PDSS2: variants seen among roughly 807,000 people sequenced by gnomAD.
The protein encoded by PDSS2 is all trans-polyprenyl-diphosphate synthase PDSS2.
PDSS2 carries 31 observed loss-of-function variants against 44.5 expected under a neutral mutation model. The observed-to-expected ratio is 0.70, with a 90% CI of 0.52 to 0.94. The LOEUF (loss-of-function observed/expected upper bound fraction) is 0.94, where lower values mean the gene tolerates loss of function less well. Ranked by LOEUF, PDSS2 falls within the 40% of genes least tolerant of loss-of-function variation. The pLI is 0.00. For missense variants in PDSS2, 452 were observed against 482.2 expected, an observed-to-expected ratio of 0.94 and a Z score of 0.59; for synonymous variants, 157 against 180.3, an observed-to-expected ratio of 0.87 and a Z score of 1.03.
intron 1 of PDSS2, among the ~76,000 whole-genome samples, chr6:107,358,649 T>C (rs1778663774): frequency 6.6e-6 from 1 of 152,150 alleles, no homozygotes. Flanking sequence ...AAGCCATGGA[T>C]AGAATCATAA....
intron 2 of PDSS2, among the ~76,000 whole-genome samples, chr6:107,294,229 A>G (rs546245441): frequency 2.0e-5 from 3 of 152,296 alleles, no homozygotes; most frequent in Non-Finnish European, 2.9e-5. Context: ...TCTGTTTCCA[A>G]TGAAAAAGAG....
intron 2 of PDSS2, among the ~76,000 whole-genome samples, chr6:107,296,555 G>A (rs1193822774): frequency 2.6e-5 from 4 of 151,954 alleles, no homozygotes; most frequent in African/African-American, 7.3e-5. Flanking sequence ...GTGAAACCTC[G>A]TCTCTACTAA....
rs1582794305 is a variant in PDSS2, at chr6:107,212,801, T to C, written c.703-519A>G. Among the ~76,000 whole-genome samples the C allele has an allele frequency of 2.0e-5, 3 of 146,862 alleles. No individual in the cohort carries two copies. In the Admixed American group the frequency reaches 2.0e-4, roughly 10 times the overall value. Reference sequence around the variant, plus strand: ...CAGGAGGATTGCTTGAGGCCAGGAGTTCGAGACCAGCCTGGGCAACATAGC... The same window carrying C: ...CAGGAGGATTGCTTGAGGCCAGGAGCTCGAGACCAGCCTGGGCAACATAGC... On this transcript the variant is annotated intron_variant, in intron 4 of 7. Coordinates refer to ENST00000369037, the MANE Select transcript of PDSS2 (RefSeq NM_020381.4).
intron 1 of PDSS2, among the ~76,000 whole-genome samples, chr6:107,452,356 T>C (rs1781897557): frequency 6.6e-6 from 1 of 150,988 alleles, no homozygotes; most frequent in Admixed American, 6.6e-5. Flanking sequence ...CCTAAGCCTC[T>C]GGTGTAGCTT....
At chr6:107,254,132 C>G (rs1774924798) in intron 3 of PDSS2, among the ~76,000 whole-genome samples, 1 of 149,192 alleles carries the variant, frequency 6.7e-6, no homozygotes, top group Non-Finnish European at 1.5e-5. Context: ...CTCCCGGGTT[C>G]AAGTGATTCT....
chr6:107,286,450 C>A (rs891137522), intron 2 of PDSS2, among the ~76,000 whole-genome samples: 1 of 151,828 alleles, frequency 6.6e-6, no homozygotes, highest in African/African-American at 2.4e-5. Flanking sequence ...GCAGAGGTTG[C>A]AGTGAGCTGA....
intron 1 of PDSS2, among the ~76,000 whole-genome samples, chr6:107,450,454 C>A (rs1022716846): frequency 6.6e-6 from 1 of 152,088 alleles, no homozygotes; most frequent in Non-Finnish European, 1.5e-5. Context: ...AGAAATAACA[C>A]ACAAAATCAT....
intron 2 of PDSS2, among the ~76,000 whole-genome samples, chr6:107,293,978 AG>A (rs2115032919): frequency 6.6e-6 from 1 of 152,234 alleles, no homozygotes; most frequent in African/African-American, 2.4e-5. Flanking sequence ...CAAGAGGCTG[AG>A]GTTTGGGTTT....
chr6:107,333,816 G>A (rs1043461177), intron 2 of PDSS2, among the ~76,000 whole-genome samples: 1 of 152,148 alleles, frequency 6.6e-6, no homozygotes, highest in East Asian at 1.9e-4. Flanking sequence ...AATTACAGGT[G>A]TGAGCCACTG....
intron 4 of PDSS2, among the ~76,000 whole-genome samples, chr6:107,214,203 A>C (rs367569486): frequency 5.8e-4 from 88 of 150,700 alleles, no homozygotes; most frequent in African/African-American, 1.9e-3. Context: ...TCCCGGGTTC[A>C]CTCCATTCTC....
intron 1 of PDSS2, among the ~76,000 whole-genome samples, chr6:107,361,083 C>T (rs1335577132): frequency 6.6e-6 from 1 of 151,976 alleles, no homozygotes; most frequent in Non-Finnish European, 1.5e-5. Context: ...TACCCAAATC[C>T]TATTTGGAAA....
At chr6:107,391,863 T>TG (rs1023827398) in intron 1 of PDSS2, among the ~76,000 whole-genome samples, 28 of 151,120 alleles carry the variant, frequency 1.9e-4, no homozygotes, top group South Asian at 6.3e-4. Flanking sequence ...CATTTTTTTT[T>TG]AAGACTCAAG....
intron 3 of PDSS2, among the ~76,000 whole-genome samples, chr6:107,254,988 C>T (rs574710181): frequency 2.6e-5 from 4 of 151,682 alleles, no homozygotes; most frequent in South Asian, 2.1e-4. Flanking sequence ...CTCAGCCTCC[C>T]GAGTAGCTGG....
intron 2 of PDSS2, among the ~76,000 whole-genome samples, chr6:107,326,337 T>C (rs1398628613): frequency 6.6e-6 from 1 of 151,796 alleles, no homozygotes; most frequent in Non-Finnish European, 1.5e-5. Context: ...CTCAAACTCC[T>C]GACCTCAAGT....
chr6:107,187,259 C>T (rs1403807946), intron 7 of PDSS2, among the ~76,000 whole-genome samples: 1 of 152,106 alleles, frequency 6.6e-6, no homozygotes, highest in Non-Finnish European at 1.5e-5. Flanking sequence ...CAGAATAGCA[C>T]TACATATTCA....
intron 4 of PDSS2, among the ~76,000 whole-genome samples, chr6:107,213,381 C>T (rs371039611): frequency 2.0e-5 from 3 of 151,348 alleles, no homozygotes; most frequent in South Asian, 4.2e-4. Flanking sequence ...AACTCCTGGT[C>T]TCAGGTAATC....
chr6:107,191,371 G>A (rs930256507), intron 7 of PDSS2, among the ~76,000 whole-genome samples: 3 of 152,152 alleles, frequency 2.0e-5, no homozygotes, highest in African/African-American at 7.2e-5. Context: ...ACCAAGAGGA[G>A]GAGTTGGAGT....
chr6:107,236,820 A>G (rs559596485), intron 4 of PDSS2, among the ~76,000 whole-genome samples: 6 of 151,680 alleles, frequency 4.0e-5, no homozygotes, highest in Non-Finnish European at 8.8e-5. Context: ...TGTTCACATT[A>G]CCCTCCTGTT....
rs114668089 is a variant in PDSS2 at position 107,186,607 on chromosome 6, G to A, written c.1041+7215C>T. On this transcript the variant is annotated intron_variant, in intron 7 of 7. Coordinates refer to ENST00000369037, the MANE Select transcript of PDSS2 (RefSeq NM_020381.4). ...CCCGCTCTCTAAGTTCCCTCCTTTC[G>A]CGCCCCCCTACCCCCCAACAGGCCC... Among the ~76,000 whole-genome samples, 410 of 151,882 alleles carry A rather than the reference G, an allele frequency of 2.7e-3. 3 individuals carry two copies. Among genetic ancestry groups the A allele is most frequent in the African/African-American group, 8.3e-3 (342 of 41,396 alleles).
Sources: allele counts gnomAD v4.1 joint callset (sites outside exome capture counted in the v4.1 genomes callset), GRCh38; gene constraint gnomAD v4.1.1; transcripts MANE v1.5; gene names NCBI Gene and HGNC (gene_info 2026-07-23, HGNC 2026-07-21).